Variants in ARHGEF28 observed in about 807,000 individuals in gnomAD.
ARHGEF28 encodes the protein 190 kDa guanine nucleotide exchange factor.
Under a neutral mutation model 206.6 loss-of-function variants are expected in ARHGEF28, and 152 were observed. The observed-to-expected ratio is 0.74, with a 90% CI of 0.64 to 0.84. ARHGEF28 has a LOEUF of 0.84. Among genes scored for constraint, ARHGEF28 ranks in the 40% least tolerant of loss-of-function variants. ARHGEF28 has a pLI of 0.00. For synonymous variants in ARHGEF28, 763 were observed against 776.4 expected, an observed-to-expected ratio of 0.98 and a Z score of 0.29; for missense variants, 2,028 against 2,073.2, an observed-to-expected ratio of 0.98 and a Z score of 0.42.
rs1761272505 is a variant in ARHGEF28, at chr5:73,886,090, C to T, written c.3296C>T (p.Thr1099Ile). 1.2e-6 allele frequency: 2 copies of T among 1,612,276 alleles called. No homozygotes were observed. Among genetic ancestry groups the T allele is most frequent in the Non-Finnish European group, 1.7e-6 (2 of 1,179,120 alleles). Residue 1099 changes from threonine (T) to isoleucine (I), a missense_variant, in exon 25 of 36, where the codon ACA (threonine) becomes ATA (isoleucine). Physicochemically the swap from Thr to Ile is moderately conservative, Grantham distance 89 (BLOSUM62 -1). Around this residue, in one of 3 missense-constraint regions of ARHGEF28, gnomAD observed 803 missense variants for 768.0 expected, o/e 1.05. Coordinates refer to ENST00000513042, the MANE Select transcript of ARHGEF28 (RefSeq NM_001177693.2). ...GGCCTTGTTTACTGGAAAACTGCTA[C>T]AGGTCGTTTCAAAGGTACTGTGGCT... The part of the protein sequence containing the change: ...YDGLVYWKTA[T>I]GRFKDILALL...
intron 13 of ARHGEF28, among the ~76,000 whole-genome samples, chr5:73,851,705 A>C (rs1023736291): frequency 4.6e-5 from 7 of 152,114 alleles, no homozygotes; most frequent in Non-Finnish European, 8.8e-5. Flanking sequence ...CAGCCTATTT[A>C]CCATAAGAAT....
At chr5:73,862,594 T>C (rs1315090441) in intron 16 of ARHGEF28, among the ~76,000 whole-genome samples, 2 of 152,218 alleles carry the variant, frequency 1.3e-5, no homozygotes, top group African/African-American at 4.8e-5. Context: ...TCTCTTTTAA[T>C]GTCAACTAAT....
At chr5:73,929,516 A>G (rs1489908148) in intron 35 of ARHGEF28, among the ~76,000 whole-genome samples, 1 of 152,058 alleles carries the variant, frequency 6.6e-6, no homozygotes, top group Non-Finnish European at 1.5e-5. Context: ...TTTATTTTTG[A>G]CTCAGGATCC....
At chr5:73,635,854 G>A (rs562014420) in intron 1 of ARHGEF28, among the ~76,000 whole-genome samples, 2 of 152,250 alleles carry the variant, frequency 1.3e-5, no homozygotes, top group East Asian at 3.9e-4. Context: ...AAAGAACAAT[G>A]CACAAAACGC....
Position 73,752,168 on chromosome 5 carries a change from GC to G in ARHGEF28, c.182-739del, listed in dbSNP as rs147738947. Among the ~76,000 whole-genome samples, 411 of 152,256 alleles carry G rather than the reference GC, an allele frequency of 2.7e-3. 7 individuals are homozygous for G. The highest frequency in any genetic ancestry group is 9.6e-3 in the African/African-American group (399 of 41,522). ...GCTGCCACCAATTCCTGAAAAATCT[GC>G]CAAGGGCAGCATAAAAATGTACCTG... On this transcript the variant is annotated intron_variant, in intron 3 of 35. Coordinates refer to ENST00000513042, the MANE Select transcript of ARHGEF28 (RefSeq NM_001177693.2).
chr5:73,894,836 G>C (rs1043051069), intron 29 of ARHGEF28, among the ~76,000 whole-genome samples: 2 of 152,186 alleles, frequency 1.3e-5, no homozygotes, highest in South Asian at 4.1e-4. Context: ...GTTTTAGATA[G>C]GGTGGCCAGG....
chr5:73,733,116 G>GT (rs1750711325), intron 2 of ARHGEF28, among the ~76,000 whole-genome samples: 2 of 152,144 alleles, frequency 1.3e-5, no homozygotes, highest in South Asian at 4.1e-4. Context: ...TTTACCCAAT[G>GT]TGTAGTCTTT....
At chr5:73,714,500 A>G (rs1357370667) in intron 2 of ARHGEF28, among the ~76,000 whole-genome samples, 2 of 152,184 alleles carry the variant, frequency 1.3e-5, no homozygotes, top group Non-Finnish European at 2.9e-5. Context: ...TGCCCAGGAA[A>G]GTCCAAGGTC....
chr5:73,692,249 A>T (rs1308984302), intron 2 of ARHGEF28, among the ~76,000 whole-genome samples: 1 of 152,022 alleles, frequency 6.6e-6, no homozygotes, highest in Non-Finnish European at 1.5e-5. Flanking sequence ...GATTTTTTTT[A>T]ACATCTGCAG....
chr5:73,757,358 T>G (rs1480511281), intron 4 of ARHGEF28, among the ~76,000 whole-genome samples: 2 of 152,240 alleles, frequency 1.3e-5, no homozygotes, highest in African/African-American at 4.8e-5. Context: ...TATTAAAATT[T>G]TTTTGTGATT....
chr5:73,823,243 A>G (rs1227259238), intron 9 of ARHGEF28, among the ~76,000 whole-genome samples: 1 of 152,230 alleles, frequency 6.6e-6, no homozygotes, highest in Non-Finnish European at 1.5e-5. Context: ...GTTAAAAACA[A>G]TTCTGTATGC....
chr5:73,933,023 G>C (rs1258884426), intron 35 of ARHGEF28, among the ~76,000 whole-genome samples: 3 of 151,694 alleles, frequency 2.0e-5, no homozygotes, highest in African/African-American at 7.3e-5. Context: ...TGTTAGCCCG[G>C]ATGGTCTCGA....
intron 22 of ARHGEF28, among the ~76,000 whole-genome samples, chr5:73,876,462 A>C (rs1407120269): frequency 2.2e-5 from 3 of 134,866 alleles, no homozygotes; most frequent in Non-Finnish European, 4.7e-5. Flanking sequence ...ACTATGTTGA[A>C]TAGGAGTGGT....
rs368392822 is a variant in ARHGEF28, at chr5:73,883,764, A to C, written c.2938-3A>C. ...GTGTACATAAAAGTATATATTTTTTAAGCTCCGAAATAGTAATCTTTTGGC... is the reference window on the plus strand; with the variant it reads ...GTGTACATAAAAGTATATATTTTTTCAGCTCCGAAATAGTAATCTTTTGGC... On this transcript the variant is annotated splice_polypyrimidine_tract_variant and splice_region_variant and intron_variant, in intron 23 of 35. Coordinates refer to ENST00000513042, the MANE Select transcript of ARHGEF28 (RefSeq NM_001177693.2). 2.0e-6 allele frequency: 3 copies of C among 1,530,962 alleles called. No homozygotes were observed. The African/African-American group carries it at 4.2e-5, about 21-fold the overall frequency. The allele number at this position is 1,530,962 out of a possible 1,614,324, so 94.8% of individuals were successfully genotyped here. A position where few individuals can be genotyped will look rare whatever the true frequency, so the allele number is the denominator to read the frequency against.
At chr5:73,848,948 T>G in intron 12 of ARHGEF28, 28 bp from the exon 13 acceptor site, 1 of 1,465,130 alleles carries the variant, frequency 6.8e-7, no homozygotes, top group Admixed American at 2.1e-5. Context: ...GTATAAATTT[T>G]TAAACACTTT....
intron 1 of ARHGEF28, among the ~76,000 whole-genome samples, chr5:73,632,945 A>G (rs1259609643): frequency 6.6e-6 from 1 of 151,970 alleles, no homozygotes; most frequent in Non-Finnish European, 1.5e-5. Context: ...ATAATAATAC[A>G]ACTCACCATA....
At chr5:73,858,363 C>A in intron 16 of ARHGEF28, 144 bp downstream of exon 16, 1 of 1,111,044 alleles carries the variant, frequency 9.0e-7, no homozygotes, top group Non-Finnish European at 1.2e-6. Context: ...AGGACTGATA[C>A]TGGTTAGAGT....
At chr5:73,904,652 G>GGCTTGACATTTTT (rs1274484198) in intron 33 of ARHGEF28, 8 of 499,450 alleles carry the variant, frequency 1.6e-5, no homozygotes, top group South Asian at 3.6e-5. Context: ...AAATATTGAT[G>GGCTTGACATTTTT]AATATGATCT....
At chr5:73,794,522 T>C in intron 8 of ARHGEF28, 68 bp downstream of exon 8, 1 of 1,296,982 alleles carries the variant, frequency 7.7e-7, no homozygotes, top group Non-Finnish European at 1.1e-6. Context: ...GATTTAGTGG[T>C]AATAAAAATG....
Sources: allele counts gnomAD v4.1 joint callset (sites outside exome capture counted in the v4.1 genomes callset), GRCh38; gene constraint gnomAD v4.1.1; regional missense constraint gnomAD v4.1.1; transcripts MANE v1.5; gene names NCBI Gene and HGNC (gene_info 2026-07-23, HGNC 2026-07-21).